The following DDR1 variants were observed in gnomAD, a reference collection of about 807,000 sequenced individuals.
The protein encoded by DDR1 is epithelial discoidin domain-containing receptor 1.
In DDR1, 64 loss-of-function variants were observed where a neutral mutation model predicts 97.4. That is an observed-to-expected ratio of 0.66 (90% CI 0.54 to 0.81). The LOEUF is 0.81. DDR1 is among the 30% of genes least tolerant of loss of function. The pLI, the probability that DDR1 is intolerant of heterozygous loss-of-function variation, is 0.00. For synonymous variants in DDR1, 458 were observed against 503.7 expected (o/e 0.91, Z 1.21); for missense variants, 990 against 1,259.6 (o/e 0.79, Z 3.24).
chr6:30,896,997 CG>C lies in DDR1; in HGVS notation c.1870-16del, dbSNP rs1364712853. 7 of 1,605,756 alleles carry C rather than the reference CG, an allele frequency of 4.4e-6. No homozygotes were observed. The highest frequency in any genetic ancestry group is 6.0e-6 in the Non-Finnish European group (7 of 1,174,448). On this transcript the variant is annotated splice_polypyrimidine_tract_variant and intron_variant, in intron 13 of 17. Transcript: ENST00000376568. Reference sequence around the variant, plus strand: ...TTTGACCCTGTGACCGCCTAGCAAACGAACTTCTTTCTCCAGGTGCACCTGT... The same window carrying C: ...TTTGACCCTGTGACCGCCTAGCAAACAACTTCTTTCTCCAGGTGCACCTGT...
At position 30,900,136 on chromosome 6, in the gene DDR1, T is replaced by C. The variant is rs1792412348; in HGVS notation, c.*840T>C. 1 of 577,614 alleles carries C rather than the reference T, an allele frequency of 1.7e-6. No individual in the cohort carries two copies. Among genetic ancestry groups the C allele is most frequent in the Admixed American group, 1.9e-5 (1 of 51,446 alleles). 35.8% of individuals were successfully genotyped at this position (577,614 alleles called of 1,614,324 possible). On this transcript the variant is annotated 3_prime_UTR_variant, in exon 18 of 18. Coordinates refer to ENST00000376568, the MANE Select transcript of DDR1 (RefSeq NM_001297654.2). ...ATCCCCTGCACTAGGCAGGTAATAA[T>C]AAAGGTTGAGTTTTCCACAACTGTG...
rs1785999279 is a variant in DDR1 at position 30,886,745 on chromosome 6, A to T, written c.-42-1943A>T. On this transcript the variant is annotated intron_variant, in intron 1 of 17. Coordinates refer to ENST00000376568, the MANE Select transcript of DDR1 (RefSeq NM_001297654.2). This position sits in a 1 kb window ranked among gnomAD's most constrained non-coding sequence, Gnocchi z 4.6. ...CAGAGCAGGGATAACTGGGCCCAAGATGCCCTGAACCTGATAAGAGGTGGC... is the reference window on the plus strand; with the variant it reads ...CAGAGCAGGGATAACTGGGCCCAAGTTGCCCTGAACCTGATAAGAGGTGGC... 1 of 152,274 alleles carries T rather than the reference A, an allele frequency of 6.6e-6. No homozygotes were observed. The allele number at this position is 152,274 out of a possible 1,614,324, so 9.4% of individuals were successfully genotyped here.
Position 30,890,951 on chromosome 6 carries a change from C to T in DDR1, c.418-22C>T. The T allele has an allele frequency of 6.4e-7, 1 of 1,567,758 alleles. No individual in the cohort carries two copies. Among genetic ancestry groups the T allele is most frequent in the Non-Finnish European group, 8.6e-7 (1 of 1,157,808 alleles). On this transcript the variant is annotated intron_variant, in intron 4 of 17. Coordinates refer to ENST00000376568, the MANE Select transcript of DDR1 (RefSeq NM_001297654.2). The surrounding 1 kb of genome is among the most constrained non-coding windows in gnomAD (Gnocchi z 5.0). ...TCTGACCTGGACTCCATCCCACCCA[C>T]CCCCTGTTTCCTGGCCCACAGGTGA...
At chr6:30,884,382 G>C (rs1053942053), upstream of DDR1, 4 of 152,302 alleles carry the variant, frequency 2.6e-5, no homozygotes, top group African/African-American at 9.6e-5. The surrounding 1 kb of genome is among the most constrained non-coding windows in gnomAD (Gnocchi z 6.1). Flanking sequence ...GGGTCCGGGA[G>C]GGGGAAGGGA....
chr6:30,895,515 G>T lies in DDR1; in HGVS notation c.1624+1G>T. On this transcript the variant is annotated splice_donor_variant, in intron 12 of 17. Transcript: ENST00000376568. LOFTEE classifies it high-confidence loss of function. ...TGGGCCAAACCCACCAACACCCAGGGTAAGCCCCTCTGCCCCTGGGCTCCG... is the reference window on the plus strand; with the variant it reads ...TGGGCCAAACCCACCAACACCCAGGTTAAGCCCCTCTGCCCCTGGGCTCCG... 1 of 1,582,236 alleles carries T rather than the reference G, an allele frequency of 6.3e-7. No individual in the cohort carries two copies. The highest frequency in any genetic ancestry group is 1.1e-5 in the South Asian group (1 of 88,572).
chr6:30,885,015 C>T lies in DDR1; in HGVS notation c.-43+305C>T, dbSNP rs1785261778. 17 of 551,860 alleles carry T rather than the reference C, an allele frequency of 3.1e-5. No homozygotes were observed. In the South Asian group the frequency reaches 4.0e-4, roughly 13 times the overall value. The allele number at this position is 551,860 out of a possible 1,614,324, so 34.2% of individuals were successfully genotyped here. A position where few individuals can be genotyped will look rare whatever the true frequency, so the allele number is the denominator to read the frequency against. On this transcript the variant is annotated intron_variant, in intron 1 of 17. Transcript: ENST00000376568. Reference sequence around the variant, plus strand: ...AACTGAGCCCCGGGAGGAGGTGCTCCTGTGCAGCCCCACTGAGTCAGCTCA... The same window carrying T: ...AACTGAGCCCCGGGAGGAGGTGCTCTTGTGCAGCCCCACTGAGTCAGCTCA...
Position 30,888,204 on chromosome 6 carries a change from C to G in DDR1, c.-42-484C>G, listed in dbSNP as rs1786610503. Among the ~76,000 whole-genome samples the G allele has an allele frequency of 6.6e-6, 1 of 152,130 alleles. No homozygotes were observed. The highest frequency in any genetic ancestry group is 6.5e-5 in the Admixed American group (1 of 15,270). ...TTTCTGTGAAATGACTATTCACATT[C>G]TTTGGCTGTTTCTTTATTGGGTTAC... is the stretch of plus-strand genomic sequence containing the variant. On this transcript the variant is annotated intron_variant, in intron 1 of 17. Transcript: ENST00000376568. The surrounding 1 kb of genome is among the most constrained non-coding windows in gnomAD (Gnocchi z 4.2).
chr6:30,895,308 C>A, intron 11 of DDR1, 96 bp from the exon 12 acceptor site: 1 of 825,622 alleles, frequency 1.2e-6, no homozygotes, highest in Non-Finnish European at 1.9e-6. Flanking sequence ...GCAATCATCC[C>A]ATCAGCCCTG....
chr6:30,882,271 A>G (rs1490123842), upstream of DDR1, among the ~76,000 whole-genome samples: 1 of 151,710 alleles, frequency 6.6e-6, no homozygotes, highest in African/African-American at 2.4e-5. The surrounding 1 kb of genome is among the most constrained non-coding windows in gnomAD (Gnocchi z 4.8). Context: ...GCTGTTTCCC[A>G]TCCTCTCCTT....
rs752584492 is a variant in DDR1, at chr6:30,889,860, T to C, written c.417+430T>C. The stretch of plus-strand genomic sequence containing the variant: ...CCAGCTCAGGAAGTGGTATCACCAT[T>C]GCCTGGTTGCCTAGGCTATAAGTTA... On this transcript the variant is annotated intron_variant, in intron 4 of 17. Transcript: ENST00000376568. This position sits in a 1 kb window ranked among gnomAD's most constrained non-coding sequence, Gnocchi z 4.9. Among the ~76,000 whole-genome samples the C allele has an allele frequency of 6.6e-6, 1 of 152,186 alleles. No homozygotes were observed. The highest frequency in any genetic ancestry group is 2.4e-5 in the African/African-American group (1 of 41,434).
chr6:30,893,235 G>T, intron 9 of DDR1, 37 bp from the exon 10 acceptor site: 1 of 1,598,394 alleles, frequency 6.3e-7, no homozygotes, highest in Non-Finnish European at 8.5e-7. Flanking sequence ...GCTAGGGTGG[G>T]ACCCTCCTGT....
chr6:30,894,581 C>T lies in DDR1; in HGVS notation c.1423C>T (p.Arg475Cys), dbSNP rs1348414326. The change falls in exon 11 of 18, where the codon CGC (arginine) becomes TGC (cysteine). Residue 475 changes from arginine (R) to cysteine (C), a missense_variant. By Grantham distance (180) the Arg-to-Cys change is radical. Transcript: ENST00000376568. This position sits in a 1 kb window ranked among gnomAD's most constrained non-coding sequence, Gnocchi z 5.7. Reference sequence around the variant, plus strand: ...TGGGGACACTATCCTCATCAACAACCGCCCAGGTCCTAGAGAGCCACCCCC... The same window carrying T: ...TGGGGACACTATCCTCATCAACAACTGCCCAGGTCCTAGAGAGCCACCCCC... ...VPGDTILINN[R>C]PGPREPPPYQ... 1.8e-5 allele frequency: 29 copies of T among 1,613,526 alleles called. No individual in the cohort carries two copies. The highest frequency in any genetic ancestry group is 2.3e-5 in the Non-Finnish European group (27 of 1,179,806).
chr6:30,893,308 C>T lies in DDR1; in HGVS notation c.1232C>T (p.Ala411Val), dbSNP rs758005462. ...AGAGGCCAGCAGCCCGTGGCCAAGGCCGAGGGGAGCCCGACCGCCATCCTC... is the reference window on the plus strand; with the variant it reads ...AGAGGCCAGCAGCCCGTGGCCAAGGTCGAGGGGAGCCCGACCGCCATCCTC... ...EPRGQQPVAK[A>V]EGSPTAILIG... is the part of the protein sequence containing the mutation. The change falls in exon 10 of 18, where the codon GCC (alanine) becomes GTC (valine). Residue 411 changes from alanine to valine, a missense_variant. Physicochemically the swap from Ala to Val is moderately conservative, Grantham distance 64 (BLOSUM62 0). Transcript: ENST00000376568. 2.5e-6 allele frequency: 4 copies of T among 1,606,064 alleles called. No homozygotes were observed. In the East Asian group the frequency reaches 8.9e-5, roughly 36 times the overall value.
intron 16 of DDR1, among the ~76,000 whole-genome samples, 169 bp from the exon 17 acceptor site, chr6:30,898,719 G>A (rs1305190409): frequency 6.6e-6 from 1 of 152,196 alleles, no homozygotes; most frequent in Non-Finnish European, 1.5e-5. Context: ...AGAGCCCAAG[G>A]GAGAGGAGTT....
chr6:30,895,753 C>G (rs1264318), intron 12 of DDR1, among the ~76,000 whole-genome samples: 26,624 of 152,208 alleles, frequency 0.17, 2,491 homozygotes, highest in Non-Finnish European at 0.2. Flanking sequence ...TCTCCCTCCT[C>G]CTCTTCCACG....
Position 30,897,327 on chromosome 6 carries a change from A to C in DDR1, c.1998-52A>C. The C allele has an allele frequency of 1.9e-6, 3 of 1,568,338 alleles. No homozygotes were observed. The highest frequency in any genetic ancestry group is 2.6e-6 in the Non-Finnish European group (3 of 1,150,852). On this transcript the variant is annotated intron_variant, in intron 14 of 17. Transcript: ENST00000376568. This position sits in a 1 kb window ranked among gnomAD's most constrained non-coding sequence, Gnocchi z 5.2. ...GGCAGGGGGGTGGGGGCGCGGGGGA[A>C]GGTGCAGGCCGCCCACTCGGCATTC... is the stretch of plus-strand genomic sequence containing the variant.
chr6:30,899,245 CT>C lies in DDR1; in HGVS notation c.2695del (p.Ser899ProfsTer90). On this transcript the variant is annotated frameshift_variant, in exon 18 of 18. Coordinates refer to ENST00000376568, the MANE Select transcript of DDR1 (RefSeq NM_001297654.2). LOFTEE classifies it high-confidence loss of function. The part of the protein sequence containing the change: ...WSRESEQRPP[F>X]SQLHRFLAED... Reference sequence around the variant, plus strand: ...GCCGGGAGTCTGAGCAGCGACCACCCTTTTCCCAGCTGCATCGGTTCCTGGC... The same window carrying C: ...GCCGGGAGTCTGAGCAGCGACCACCCTTTCCCAGCTGCATCGGTTCCTGGC... 1 of 1,614,124 alleles carries C rather than the reference CT, an allele frequency of 6.2e-7. No homozygotes were observed. Among genetic ancestry groups the C allele is most frequent in the Non-Finnish European group, 8.5e-7 (1 of 1,179,980 alleles).
intron 7 of DDR1, 48 bp from the exon 8 acceptor site, chr6:30,892,248 C>T (rs1391380919): frequency 1.2e-6 from 2 of 1,602,870 alleles, no homozygotes; most frequent in Non-Finnish European, 1.7e-6. Context: ...GTTGGGGTGC[C>T]CCCACCACTC....
Position 30,892,499 on chromosome 6 carries a change from T to C in DDR1, c.1056T>C (p.Phe352=). Residue 352 remains phenylalanine (F), a synonymous_variant, in exon 8 of 18, where the codon TTT becomes TTC. Transcript: ENST00000376568. The part of the protein sequence containing the change: ...VARFLQCRFL[F]AGPWLLFSEI... ...GCTTTCTGCAGTGCCGCTTCCTCTT[T>C]GCGGGGCCCTGGTTACTCTTCAGCG... 1.2e-6 allele frequency: 2 copies of C among 1,608,522 alleles called. No individual in the cohort carries two copies. Among genetic ancestry groups the C allele is most frequent in the South Asian group, 1.1e-5 (1 of 90,808 alleles).
Sources: allele counts gnomAD v4.1 joint callset (sites outside exome capture counted in the v4.1 genomes callset), GRCh38; gene constraint gnomAD v4.1.1; non-coding constraint Gnocchi (gnomAD v3.1); transcripts MANE v1.5; gene names NCBI Gene and HGNC (gene_info 2026-07-23, HGNC 2026-07-21).